The following FHAD1 variants were observed in gnomAD, a reference collection of about 807,000 sequenced individuals.
FHAD1 encodes forkhead-associated domain-containing protein 1.
A neutral mutation model predicts 191.3 loss-of-function variants in FHAD1; 146 were observed. The ratio of observed to expected loss-of-function variants is 0.76; its 90% CI spans 0.67 to 0.88. The LOEUF (loss-of-function observed/expected upper bound fraction) is 0.88, where lower values mean the gene tolerates loss of function less well. FHAD1 is among the 40% of genes least tolerant of loss of function. FHAD1 has a pLI of 0.00. For synonymous variants in FHAD1, 616 were observed against 672.3 expected (o/e 0.92, Z 1.29); for missense variants, 1,635 against 1,785.8 (o/e 0.92, Z 1.52).
intron 28 of FHAD1, among the ~76,000 whole-genome samples, chr1:15,380,499 A>G (rs1051699076): frequency 4.6e-5 from 7 of 152,254 alleles, no homozygotes; most frequent in Non-Finnish European, 8.8e-5. Flanking sequence ...CAGAGACTTC[A>G]AAGACAGAGT....
chr1:15,279,028 G>A (rs1284657288), intron 3 of FHAD1, among the ~76,000 whole-genome samples: 1 of 152,116 alleles, frequency 6.6e-6, no homozygotes, highest in Non-Finnish European at 1.5e-5. Flanking sequence ...TGTAGCTAGA[G>A]AACTGTTTAT....
rs1199525775 is a variant in FHAD1, at chr1:15,316,846, G to A, written c.1260+379G>A. On this transcript the variant is annotated intron_variant, in intron 9 of 33. Coordinates refer to ENST00000688493, the MANE Select transcript of FHAD1 (RefSeq NM_001391957.1). The surrounding 1 kb of genome is among the most constrained non-coding windows in gnomAD (Gnocchi z 4.3). Reference sequence around the variant, plus strand: ...TATCCTAGCCACAGGCACCATTGTTGACACTTCCTGAAGTATTTTTATTTA... The same window carrying A: ...TATCCTAGCCACAGGCACCATTGTTAACACTTCCTGAAGTATTTTTATTTA... 5.9e-5 allele frequency among the ~76,000 whole-genome samples: 9 copies of A among 152,306 alleles called. No individual in the cohort carries two copies. The East Asian group carries it at 1.5e-3, about 26-fold the overall frequency.
chr1:15,344,405 G>T (rs562425698), intron 16 of FHAD1, among the ~76,000 whole-genome samples: 1 of 152,222 alleles, frequency 6.6e-6, no homozygotes, highest in South Asian at 2.1e-4. Context: ...CAATCCCTTG[G>T]TTTGTGCACA....
chr1:15,345,348 C>A (rs534884612), intron 17 of FHAD1, 68 bp from the exon 18 acceptor site: 2 of 1,432,396 alleles, frequency 1.4e-6, no homozygotes, highest in Admixed American at 3.9e-5. Context: ...GAAACCTGTG[C>A]GGTGCCTGGC....
At chr1:15,348,863 C>A (rs886853649) in intron 18 of FHAD1, among the ~76,000 whole-genome samples, 179 bp from the exon 19 acceptor site, 1 of 152,140 alleles carries the variant, frequency 6.6e-6, no homozygotes, top group Admixed American at 6.5e-5. Flanking sequence ...ACTCTCAGCA[C>A]TTCTCTGACA....
intron 28 of FHAD1, among the ~76,000 whole-genome samples, chr1:15,378,765 G>GT (rs887863551): frequency 2.2e-4 from 34 of 151,574 alleles, no homozygotes; most frequent in East Asian, 1.9e-3. Context: ...TTTTATTTTT[G>GT]TTTTTTTTAA....
In FHAD1 at chr1:15,374,606, AG is replaced by A. The variant is rs1410372621; in HGVS notation, c.3553del (p.Glu1185AsnfsTer19). ...TATCTGAACTTCGAGCGCGAATTAAAGAACTCGAGAAGGCGCGCTCACCAGG... is the reference window on the plus strand; with the variant it reads ...TATCTGAACTTCGAGCGCGAATTAAAAACTCGAGAAGGCGCGCTCACCAGG... Reference protein sequence around the residue: ...ALSELRARIKELEKARSPDHK... With the variant: ...ALSELRARIKXLEKARSPDHK... On this transcript the variant is annotated frameshift_variant, in exon 27 of 34. Transcript: ENST00000688493. LOFTEE classifies it high-confidence loss of function. 6.4e-7 allele frequency: 1 copy of A among 1,551,546 alleles called. No individual in the cohort carries two copies. Among genetic ancestry groups the A allele is most frequent in the Non-Finnish European group, 8.7e-7 (1 of 1,146,994 alleles).
chr1:15,382,034 C>A lies in FHAD1; in HGVS notation c.4029C>A (p.Ser1343Arg). ...ATCTCTCCTGTGCACCCAGGCGGAG[C>A]AAAGTGTCCATTGAGATGTACCAGT... The part of the protein sequence containing the change: ...YEKDVEQLRR[S>R]KVSIEMYQSQ... Residue 1343 changes from serine (S) to arginine (R), a missense_variant, in exon 31 of 34, where the codon AGC (serine) becomes AGA (arginine). By Grantham distance (110) the Ser-to-Arg change is moderately radical. Coordinates refer to ENST00000688493, the MANE Select transcript of FHAD1 (RefSeq NM_001391957.1). The A allele has an allele frequency of 6.4e-7, 1 of 1,552,098 alleles. No homozygotes were observed. Among genetic ancestry groups the A allele is most frequent in the South Asian group, 1.2e-5 (1 of 84,054 alleles).
In FHAD1 at chr1:15,311,779, T is replaced by G. The variant is rs1672346749; in HGVS notation, c.1040-1278T>G. Among the ~76,000 whole-genome samples, 1 of 152,198 alleles carries G rather than the reference T, an allele frequency of 6.6e-6. No individual in the cohort carries two copies. Among genetic ancestry groups the G allele is most frequent in the Non-Finnish European group, 1.5e-5 (1 of 68,036 alleles). ...CTCAATGTGATAATACAATAATATA[T>G]TGACTATCTGCTGTCACATAAGTTA... On this transcript the variant is annotated intron_variant, in intron 7 of 33. Transcript: ENST00000688493. The surrounding 1 kb of genome is among the most constrained non-coding windows in gnomAD (Gnocchi z 4.1).
At chr1:15,386,484 C>T (rs1702111263) in intron 31 of FHAD1, among the ~76,000 whole-genome samples, 1 of 152,250 alleles carries the variant, frequency 6.6e-6, no homozygotes, top group African/African-American at 2.4e-5. Context: ...ATTTTAAATG[C>T]ACAGAAGTTG....
Position 15,377,053 on chromosome 1 carries a change from T to C in FHAD1, c.3705+1323T>C, listed in dbSNP as rs146685854. Among the ~76,000 whole-genome samples, 92 of 152,254 alleles carry C rather than the reference T, an allele frequency of 6.0e-4. 1 individual carries two copies. In the East Asian group the frequency reaches 7.9e-3, roughly 13 times the overall value. ...TTCCAGAAGTGATTTGATTGTGCAG[T>C]TGAAGGTGCCTTTTTACCCTAAATG... On this transcript the variant is annotated intron_variant, in intron 28 of 33. Coordinates refer to ENST00000688493, the MANE Select transcript of FHAD1 (RefSeq NM_001391957.1).
intron 31 of FHAD1, chr1:15,383,315 C>A: frequency 2.2e-6 from 1 of 451,672 alleles, no homozygotes; most frequent in South Asian, 1.6e-5. Flanking sequence ...AAGCACCTGC[C>A]CAGGGCCTGG....
chr1:15,371,277 G>A (rs1372260325), intron 26 of FHAD1, among the ~76,000 whole-genome samples: 2 of 152,214 alleles, frequency 1.3e-5, no homozygotes, highest in African/African-American at 4.8e-5. Flanking sequence ...CTTGGACTCT[G>A]TGCACGTCTG....
At chr1:15,277,159 C>T (rs550309023) in intron 3 of FHAD1, among the ~76,000 whole-genome samples, 6 of 152,320 alleles carry the variant, frequency 3.9e-5, no homozygotes, top group African/African-American at 1.2e-4. Context: ...GCCTGTTCTG[C>T]CCTGCTCCCA....
chr1:15,323,994 A>G (rs971419697), intron 10 of FHAD1, among the ~76,000 whole-genome samples: 1 of 152,218 alleles, frequency 6.6e-6, no homozygotes, highest in African/African-American at 2.4e-5. Flanking sequence ...GACTCTGTAT[A>G]GTGGCTACTG....
In FHAD1 at chr1:15,329,229, C is replaced by T. The variant is rs1680223633; in HGVS notation, c.1711-117C>T. On this transcript the variant is annotated intron_variant, in intron 13 of 33. Transcript: ENST00000688493. This position sits in a 1 kb window ranked among gnomAD's most constrained non-coding sequence, Gnocchi z 5.0. ...AAAAACTGAGTCCTCCCAAGGCGGC[C>T]AATACGTGGCGCTGCCTGCTTCGTG... is the stretch of plus-strand genomic sequence containing the variant. The T allele has an allele frequency of 1.3e-6, 1 of 791,042 alleles. No homozygotes were observed. Among genetic ancestry groups the T allele is most frequent in the African/African-American group, 1.7e-5 (1 of 57,508 alleles). 49.0% of individuals were successfully genotyped at this position (791,042 alleles called of 1,614,324 possible).
At chr1:15,267,603 G>A (rs993432644) in intron 2 of FHAD1, among the ~76,000 whole-genome samples, 11 of 151,998 alleles carry the variant, frequency 7.2e-5, no homozygotes, top group Admixed American at 7.2e-4. Flanking sequence ...GTTTTAGAAG[G>A]TTATTAACTA....
intron 5 of FHAD1, 22 bp from the exon 6 acceptor site, chr1:15,301,183 C>G (rs766796840): frequency 3.2e-6 from 5 of 1,547,892 alleles, no homozygotes; most frequent in Non-Finnish European, 4.4e-6. Flanking sequence ...CCTAGTAAGC[C>G]TCCCATCTGA....
At chr1:15,265,347 A>G (rs1186074941) in intron 2 of FHAD1, among the ~76,000 whole-genome samples, 1 of 152,244 alleles carries the variant, frequency 6.6e-6, no homozygotes, top group African/African-American at 2.4e-5. Flanking sequence ...AATAATAAAA[A>G]CAGAACAGCA....
Sources: allele counts gnomAD v4.1 joint callset (sites outside exome capture counted in the v4.1 genomes callset), GRCh38; gene constraint gnomAD v4.1.1; non-coding constraint Gnocchi (gnomAD v3.1); transcripts MANE v1.5; gene names NCBI Gene and HGNC (gene_info 2026-07-23, HGNC 2026-07-21).